Variants in SLC25A21 observed in about 807,000 individuals in gnomAD.
SLC25A21 encodes the protein mitochondrial 2-oxodicarboxylate carrier.
A neutral mutation model predicts 43.8 loss-of-function variants in SLC25A21; 47 were observed. The ratio of observed to expected loss-of-function variants is 1.07; its 90% CI spans 0.85 to 1.37. The LOEUF (loss-of-function observed/expected upper bound fraction) is 1.37, where lower values mean the gene tolerates loss of function less well. Among genes scored for constraint, SLC25A21 ranks in the 40% most tolerant of loss-of-function variants. The probability of loss-of-function intolerance (pLI) is 0.00; values close to 1 mark genes in which losing one functional copy is unlikely to be tolerated. For missense variants in SLC25A21, 352 were observed against 350.2 expected (o/e 1.00, Z -0.04); for synonymous variants, 131 against 121.3 (o/e 1.08, Z -0.52).
At chr14:36,684,609 A>AT in intron 8 of SLC25A21, 135 bp downstream of exon 8, 1 of 739,990 alleles carries the variant, frequency 1.4e-6, no homozygotes, top group Non-Finnish European at 2.1e-6. Context: ...AAAGTTTGTC[A>AT]TATATATTCG....
At chr14:36,947,553 TATG>T (rs1405450142) in intron 1 of SLC25A21, among the ~76,000 whole-genome samples, 9 of 152,292 alleles carry the variant, frequency 5.9e-5, no homozygotes, top group African/African-American at 1.7e-4. Context: ...GTCCTCAGCT[TATG>T]ATGATTTACC....
rs772004010 is a variant in SLC25A21, at chr14:37,172,504, G to T, written c.-154C>A. The T allele has an allele frequency of 1.2e-6, 1 of 820,434 alleles. No homozygotes were observed. Among genetic ancestry groups the T allele is most frequent in the Non-Finnish European group, 2.1e-6 (1 of 483,508 alleles). The allele number at this position is 820,434 out of a possible 1,614,324, so 50.8% of individuals were successfully genotyped here. On this transcript the variant is annotated 5_prime_UTR_variant, in exon 1 of 10. Transcript: ENST00000331299. ...AATCCGGCGACTGCTGGAAAGCGAG[G>T]GTTCGAGGCGCAGATTCGTCGCGCG...
chr14:37,012,439 A>G lies in SLC25A21; in HGVS notation c.71-137435T>C, dbSNP rs141980828. Among the ~76,000 whole-genome samples, 1,075 of 152,324 alleles carry G rather than the reference A, an allele frequency of 7.1e-3. 8 individuals are homozygous for G. Among genetic ancestry groups the G allele is most frequent in the African/African-American group, 0.025 (1,033 of 41,578 alleles). ...CAAGCTCCCTTAAAATGAGATTATT[A>G]TAAAATTAGAAGCTGAATTGTATGT... is the stretch of plus-strand genomic sequence containing the variant. On this transcript the variant is annotated intron_variant, in intron 1 of 9. Coordinates refer to ENST00000331299, the MANE Select transcript of SLC25A21 (RefSeq NM_030631.4).
intron 1 of SLC25A21, among the ~76,000 whole-genome samples, chr14:37,166,401 AGC>A (rs1964030500): frequency 6.6e-6 from 1 of 152,256 alleles, no homozygotes; most frequent in African/African-American, 2.4e-5. Context: ...TTACAGCTAC[AGC>A]GATTATAAGA....
intron 1 of SLC25A21, among the ~76,000 whole-genome samples, chr14:36,985,402 A>AATG (rs1254825794): frequency 1.3e-5 from 2 of 152,056 alleles, no homozygotes; most frequent in East Asian, 3.8e-4. Flanking sequence ...TAATAATAAT[A>AATG]ATAATAATAT....
intron 3 of SLC25A21, among the ~76,000 whole-genome samples, chr14:36,800,586 G>A (rs1215317817): frequency 3.3e-5 from 5 of 152,104 alleles, no homozygotes; most frequent in Non-Finnish European, 4.4e-5. Flanking sequence ...TGTGGGGAGG[G>A]AGAAATGGGG....
At chr14:36,736,001 T>C (rs2139231755) in intron 3 of SLC25A21, among the ~76,000 whole-genome samples, 1 of 137,394 alleles carries the variant, frequency 7.3e-6, no homozygotes, top group East Asian at 2.3e-4. Context: ...CAGGGGCGCA[T>C]CTCGGCTCAC....
intron 1 of SLC25A21, among the ~76,000 whole-genome samples, chr14:36,891,863 T>C (rs965279178): frequency 6.6e-6 from 1 of 152,156 alleles, no homozygotes; most frequent in Non-Finnish European, 1.5e-5. Context: ...TAGGGGATTG[T>C]GGAGCAACCA....
chr14:37,043,940 G>GTTTTTTTTTTTT (rs59081965), intron 1 of SLC25A21, among the ~76,000 whole-genome samples: 7 of 56,764 alleles, frequency 1.2e-4, no homozygotes, highest in African/African-American at 3.5e-4. Context: ...ATGTTTTTTT[G>GTTTTTTTTTTTT]TTTTTTTTTT....
At chr14:37,031,631 G>A (rs1027537058) in intron 1 of SLC25A21, among the ~76,000 whole-genome samples, 1 of 152,124 alleles carries the variant, frequency 6.6e-6, no homozygotes, top group Non-Finnish European at 1.5e-5. Flanking sequence ...CATATCGAAA[G>A]CTAGGGCCTT....
intron 1 of SLC25A21, among the ~76,000 whole-genome samples, chr14:36,923,278 T>C (rs1235721156): frequency 6.6e-6 from 1 of 152,138 alleles, no homozygotes; most frequent in Non-Finnish European, 1.5e-5. Context: ...TCAGAAATTT[T>C]AAGCCAAAAG....
At chr14:37,099,303 T>C (rs955168048) in intron 1 of SLC25A21, among the ~76,000 whole-genome samples, 7 of 152,304 alleles carry the variant, frequency 4.6e-5, no homozygotes, top group African/African-American at 1.7e-4. Flanking sequence ...AGAGAGTTTC[T>C]AACCAAGGAG....
chr14:36,815,362 G>A (rs1430931775), intron 2 of SLC25A21, among the ~76,000 whole-genome samples: 1 of 152,008 alleles, frequency 6.6e-6, no homozygotes, highest in African/African-American at 2.4e-5. Flanking sequence ...AGCTAATAGG[G>A]CCTAATATTA....
rs140961751 is a variant in SLC25A21, at chr14:37,052,582, A to G, written c.70+119699T>C. On this transcript the variant is annotated intron_variant, in intron 1 of 9. Transcript: ENST00000331299. The stretch of plus-strand genomic sequence containing the variant: ...TCATTTTTTAATTCAAATTTTGAAA[A>G]CCAATCAGCAAAATAATTAATAACC... Among the ~76,000 whole-genome samples the G allele has an allele frequency of 2.6e-5, 4 of 152,286 alleles. No homozygotes were observed. In the East Asian group the frequency reaches 7.7e-4, roughly 29 times the overall value.
rs368414043 is a variant in SLC25A21 at position 36,692,961 on chromosome 14, T to C, written c.604-8036A>G. On this transcript the variant is annotated intron_variant, in intron 7 of 9. Transcript: ENST00000331299. ...CATGATTTTGGGGGTATCACAAAAG[T>C]ATTTCTTTGCAGAACTCAATTCTGT... is the stretch of plus-strand genomic sequence containing the variant. Among the ~76,000 whole-genome samples, 230 of 152,330 alleles carry C rather than the reference T, an allele frequency of 1.5e-3. 1 individual carries two copies. The highest frequency in any genetic ancestry group is 5.2e-3 in the African/African-American group (218 of 41,578).
intron 1 of SLC25A21, among the ~76,000 whole-genome samples, chr14:37,029,307 C>T (rs577789779): frequency 6.6e-6 from 1 of 152,264 alleles, no homozygotes; most frequent in East Asian, 1.9e-4. Context: ...AGTCTACATT[C>T]TTAGCAGTCT....
Position 36,744,290 on chromosome 14 carries a change from C to T in SLC25A21, c.204-9717G>A, listed in dbSNP as rs145153194. Reference sequence around the variant, plus strand: ...TCAAATCATCTGACTTCAGATTACACTAGAAGGCTATAATAACCAAAACAG... The same window carrying T: ...TCAAATCATCTGACTTCAGATTACATTAGAAGGCTATAATAACCAAAACAG... On this transcript the variant is annotated intron_variant, in intron 3 of 9. Transcript: ENST00000331299. Among the ~76,000 whole-genome samples the T allele has an allele frequency of 1.2e-4, 19 of 152,168 alleles. No individual in the cohort carries two copies. In the East Asian group the frequency reaches 3.7e-3, roughly 29 times the overall value.
chr14:37,078,732 C>T (rs1962330910), intron 1 of SLC25A21, among the ~76,000 whole-genome samples: 1 of 152,102 alleles, frequency 6.6e-6, no homozygotes, highest in Non-Finnish European at 1.5e-5. Flanking sequence ...AGGGCCTTCT[C>T]TCCATCATCA....
At chr14:36,901,460 G>A (rs1891397761) in intron 1 of SLC25A21, among the ~76,000 whole-genome samples, 1 of 152,068 alleles carries the variant, frequency 6.6e-6, no homozygotes, top group Non-Finnish European at 1.5e-5. Flanking sequence ...AGGATAAGAT[G>A]TACTTTTAAA....
Sources: gnomAD v4.1 joint callset for allele counts (sites outside exome capture counted in the v4.1 genomes callset) on GRCh38, gnomAD v4.1.1 for gene constraint, MANE v1.5 for transcripts, NCBI Gene and HGNC (gene_info 2026-07-23, HGNC 2026-07-21) for gene names.